EDEM3: variants seen among roughly 807,000 people sequenced by gnomAD.
The protein encoded by EDEM3 is ER degradation-enhancing alpha-mannosidase-like protein 3.
Under a neutral mutation model 110.2 loss-of-function variants are expected in EDEM3, and 60 were observed. The ratio of observed to expected loss-of-function variants is 0.54; its 90% CI spans 0.44 to 0.67. The LOEUF (loss-of-function observed/expected upper bound fraction) is 0.67. Ranked by LOEUF, EDEM3 falls within the 30% of genes least tolerant of loss-of-function variation. EDEM3 has a pLI of 0.00. For missense variants in EDEM3, 996 were observed against 1,121.0 expected (o/e 0.89, Z 1.59); for synonymous variants, 352 against 382.9 (o/e 0.92, Z 0.94).
At position 184,690,852 on chromosome 1, in the gene EDEM3, G is replaced by T. The variant is rs1283579284; in HGVS notation, c.*3211C>A. 2 of 152,030 alleles carry T rather than the reference G, an allele frequency of 1.3e-5. No homozygotes were observed. The highest frequency in any genetic ancestry group is 2.9e-5 in the Non-Finnish European group (2 of 67,882). The allele number at this position is 152,030 out of a possible 1,614,324, so 9.4% of individuals were successfully genotyped here. A position where few individuals can be genotyped will look rare whatever the true frequency, so the allele number is the denominator to read the frequency against. On this transcript the variant is annotated 3_prime_UTR_variant, in exon 20 of 20. Transcript: ENST00000318130. ...AGCCTTGTGCATAAAACGACCGGCTGGAATATTTACTAAATTCTACCCCCC... is the reference window on the plus strand; with the variant it reads ...AGCCTTGTGCATAAAACGACCGGCTTGAATATTTACTAAATTCTACCCCCC...
chr1:184,744,437 GAAT>G (rs931234756), intron 2 of EDEM3, among the ~76,000 whole-genome samples: 1 of 151,524 alleles, frequency 6.6e-6, no homozygotes, highest in Non-Finnish European at 1.5e-5. Flanking sequence ...GAAGGACACA[GAAT>G]AATTAAAACT....
At chr1:184,702,683 T>C in intron 19 of EDEM3, 128 bp downstream of exon 19, 1 of 577,318 alleles carries the variant, frequency 1.7e-6, no homozygotes, top group Non-Finnish European at 2.7e-6. Flanking sequence ...TTTGAAATCA[T>C]CTTCTAAAAG....
intron 6 of EDEM3, among the ~76,000 whole-genome samples, chr1:184,730,593 C>A (rs1402646933): frequency 1.3e-5 from 2 of 152,036 alleles, no homozygotes; most frequent in African/African-American, 4.8e-5. Context: ...TCAAAACAAA[C>A]AAACAAACAA....
At chr1:184,744,800 T>C (rs1652338754) in intron 2 of EDEM3, among the ~76,000 whole-genome samples, 1 of 152,044 alleles carries the variant, frequency 6.6e-6, no homozygotes, top group East Asian at 1.9e-4. Flanking sequence ...GAGCAATAAA[T>C]AGGAATTACA....
rs1558054481 is a variant in EDEM3 at position 184,719,471 on chromosome 1, G to A, written c.1049C>T (p.Ala350Val). The change falls in exon 10 of 20, where the codon GCT becomes GTT. Residue 350 changes from alanine (A) to valine (V), a missense_variant. Around this residue, in one of 5 missense-constraint regions of EDEM3, gnomAD observed 310 missense variants for 394.6 expected, o/e 0.79. Coordinates refer to ENST00000318130, the MANE Select transcript of EDEM3 (RefSeq NM_025191.4). The part of the protein sequence containing the change: ...PMLNARTWMD[A>V]LLAFFPGLQV... ...CAAGCCTGGGAAGAAGGCAAGCAAA[G>A]CATCCATCCAAGTCCGAGCATTCAG... 6.2e-7 allele frequency: 1 copy of A among 1,613,594 alleles called. No individual in the cohort carries two copies.
At chr1:184,712,812 T>C (rs1650329165) in intron 13 of EDEM3, among the ~76,000 whole-genome samples, 1 of 152,194 alleles carries the variant, frequency 6.6e-6, no homozygotes, top group Non-Finnish European at 1.5e-5. Context: ...TCTACCACAC[T>C]GATACACTGA....
chr1:184,721,284 C>T lies in EDEM3; in HGVS notation c.951+5G>A. ...ATTATAAAATATAAAATTGTATCAA[C>T]TTACTGTGTTAAATCTTTCCAGAAA... On this transcript the variant is annotated splice_donor_5th_base_variant and intron_variant, in intron 9 of 19. Transcript: ENST00000318130. The T allele has an allele frequency of 6.3e-7, 1 of 1,591,836 alleles. No homozygotes were observed.
chr1:184,707,859 TAGAA>T (rs1650016078), intron 17 of EDEM3, among the ~76,000 whole-genome samples: 1 of 152,186 alleles, frequency 6.6e-6, no homozygotes, highest in Non-Finnish European at 1.5e-5. Context: ...TAGTGGCTCT[TAGAA>T]AGTCTGAAAA....
chr1:184,749,616 GA>G (rs35957626), intron 1 of EDEM3, 24 bp from the exon 2 acceptor site: 70,232 of 1,116,016 alleles, frequency 0.063, 45 homozygotes, highest in African/African-American at 0.11. Context: ...AGCAGAAATG[GA>G]AAAAAAAAAA....
At chr1:184,713,230 G>A (rs77108809) in intron 13 of EDEM3, among the ~76,000 whole-genome samples, 1 of 151,950 alleles carries the variant, frequency 6.6e-6, no homozygotes, top group African/African-American at 2.4e-5. Flanking sequence ...CAGTGTCACT[G>A]CACTCCAGCC....
intron 8 of EDEM3, 66 bp from the exon 9 acceptor site, chr1:184,721,452 T>G (rs1023551041): frequency 6.0e-6 from 7 of 1,161,804 alleles, no homozygotes; most frequent in African/African-American, 1.6e-5. Context: ...TTTAAAAAAA[T>G]AGCACTCCTT....
intron 2 of EDEM3, 41 bp from the exon 3 acceptor site, chr1:184,737,752 G>C (rs760552180): frequency 6.6e-7 from 1 of 1,521,170 alleles, no homozygotes; most frequent in East Asian, 2.3e-5. Context: ...GAAAATAAGC[G>C]AAAGCACACA....
Position 184,701,502 on chromosome 1 carries a change from TTAA to T in EDEM3, c.2389+1306_2389+1308del, listed in dbSNP as rs1164373182. 6.2e-6 allele frequency: 8 copies of T among 1,282,478 alleles called. No individual in the cohort carries two copies. In the Admixed American group the frequency reaches 1.7e-4, roughly 27 times the overall value. 79.4% of individuals were successfully genotyped at this position (1,282,478 alleles called of 1,614,324 possible). A position where few individuals can be genotyped will look rare whatever the true frequency, so the allele number is the denominator to read the frequency against. On this transcript the variant is annotated intron_variant, in intron 19 of 19. Coordinates refer to ENST00000318130, the MANE Select transcript of EDEM3 (RefSeq NM_025191.4). ...TGTTAATGCAAGATACTTACTACTA[TTAA>T]TAATGTAGCTTGGAATCATTTTACC...
intron 10 of EDEM3, 80 bp downstream of exon 10, chr1:184,719,363 G>A: frequency 1.3e-6 from 2 of 1,553,736 alleles, no homozygotes; most frequent in South Asian, 1.2e-5. Flanking sequence ...ATGTTTTGTA[G>A]TTCAGTTTTA....
Position 184,732,829 on chromosome 1 carries a change from G to A in EDEM3, c.612+8C>T. The A allele has an allele frequency of 6.2e-7, 1 of 1,609,090 alleles. No individual in the cohort carries two copies. The highest frequency in any genetic ancestry group is 8.5e-7 in the Non-Finnish European group (1 of 1,177,690). ...ATATAAAGACTCATATTTTTCAGAA[G>A]TACTTACTCTTGGATAAGGAAGGCC... On this transcript the variant is annotated splice_region_variant and intron_variant, in intron 6 of 19. Coordinates refer to ENST00000318130, the MANE Select transcript of EDEM3 (RefSeq NM_025191.4).
Position 184,716,988 on chromosome 1 carries a change from C to T in EDEM3, c.1270G>A (p.Glu424Lys), listed in dbSNP as rs767530443. 1.2e-6 allele frequency: 2 copies of T among 1,612,216 alleles called. No individual in the cohort carries two copies. The highest frequency in any genetic ancestry group is 1.1e-5 in the South Asian group (1 of 91,014). The change falls in exon 13 of 20, where the codon GAA becomes AAA. Residue 424 changes from glutamate to lysine, a missense_variant. By Grantham distance (56) the Glu-to-Lys change is moderately conservative (BLOSUM62 1). This residue lies in a region of EDEM3 where 310 missense variants were observed against 394.6 expected (regional missense o/e 0.79). Transcript: ENST00000318130. The stretch of plus-strand genomic sequence containing the variant: ...TTTTCAATAAGTGTCTTCCCTACTT[C>T]AAGGTAGTAAGGATCTCCTGTAGCC... ...YKATGDPYYL[E>K]VGKTLIENLN...
At chr1:184,738,107 TTAAA>T (rs1284450476) in intron 2 of EDEM3, among the ~76,000 whole-genome samples, 1 of 152,244 alleles carries the variant, frequency 6.6e-6, no homozygotes, top group African/African-American at 2.4e-5. Context: ...CATTTGTCAC[TTAAA>T]TAATGGAGTT....
intron 6 of EDEM3, among the ~76,000 whole-genome samples, chr1:184,730,967 A>G (rs565873898): frequency 1.3e-5 from 2 of 152,304 alleles, no homozygotes; most frequent in African/African-American, 4.8e-5. Context: ...GAATGTCAGA[A>G]AGTCTACTGC....
intron 7 of EDEM3, 92 bp downstream of exon 7, chr1:184,726,163 T>G: frequency 1.4e-6 from 2 of 1,456,286 alleles, no homozygotes; most frequent in Admixed American, 4.5e-5. Context: ...ACAGTAATTC[T>G]CCAACTAATA....
Sources: allele counts gnomAD v4.1 joint callset (sites outside exome capture counted in the v4.1 genomes callset), GRCh38; gene constraint gnomAD v4.1.1; regional missense constraint gnomAD v4.1.1; transcripts MANE v1.5; gene names NCBI Gene and HGNC (gene_info 2026-07-23, HGNC 2026-07-21).